TXNDC11: variants seen among roughly 807,000 people sequenced by gnomAD.
TXNDC11 encodes the protein thioredoxin domain-containing protein 11.
In TXNDC11, 68 loss-of-function variants were observed where a neutral mutation model predicts 78.0. That is an observed-to-expected ratio of 0.87 (90% CI 0.72 to 1.07). The LOEUF is 1.07. TXNDC11 is among the 50% of genes least tolerant of loss of function. The pLI, the probability that TXNDC11 is intolerant of heterozygous loss-of-function variation, is 0.00. For synonymous variants in TXNDC11, 571 were observed against 495.2 expected, an observed-to-expected ratio of 1.15 and a Z score of -2.03; for missense variants, 1,389 against 1,221.8, an observed-to-expected ratio of 1.14 and a Z score of -2.04.
intron 5 of TXNDC11, among the ~76,000 whole-genome samples, chr16:11,701,509 G>A (rs1384078690): frequency 6.6e-6 from 1 of 152,136 alleles, no homozygotes; most frequent in Non-Finnish European, 1.5e-5. Flanking sequence ...AGCACCTACA[G>A]AAGTGCCGGG....
intron 10 of TXNDC11, among the ~76,000 whole-genome samples, 183 bp from the exon 11 acceptor site, chr16:11,684,428 T>C (rs1398036390): frequency 6.6e-6 from 1 of 152,142 alleles, no homozygotes; most frequent in East Asian, 1.9e-4. Flanking sequence ...ACATACAACA[T>C]TCTACTACGT....
chr16:11,724,060 T>A (rs1421358744), intron 4 of TXNDC11, among the ~76,000 whole-genome samples: 1 of 152,114 alleles, frequency 6.6e-6, no homozygotes, highest in Non-Finnish European at 1.5e-5. Context: ...TCCCCTCAGA[T>A]CACTTGAGGC....
chr16:11,710,279 C>A (rs1290977414), intron 5 of TXNDC11, among the ~76,000 whole-genome samples: 2 of 151,968 alleles, frequency 1.3e-5, no homozygotes, highest in African/African-American at 4.8e-5. Flanking sequence ...TCCTCCACCC[C>A]ATTTCAGGCT....
At chr16:11,735,470 G>A (rs1333093913) in intron 2 of TXNDC11, among the ~76,000 whole-genome samples, 1 of 152,050 alleles carries the variant, frequency 6.6e-6, no homozygotes, top group Non-Finnish European at 1.5e-5. Flanking sequence ...GAAGAAAAAG[G>A]GACATCATAA....
In TXNDC11 at chr16:11,684,778, G is replaced by A. The variant is rs74382538; in HGVS notation, c.2154-533C>T. 1.5e-3 allele frequency among the ~76,000 whole-genome samples: 222 copies of A among 152,272 alleles called. 7 individuals are homozygous for A. The East Asian group carries it at 0.038, about 26-fold the overall frequency. On this transcript the variant is annotated intron_variant, in intron 10 of 11. Coordinates refer to ENST00000283033, the MANE Select transcript of TXNDC11 (RefSeq NM_015914.7). ...TGCTCAATCACTGTGGGAGCTAACCGCAACTGCTCTAGAGGCCTGCCCCGG... is the reference window on the plus strand; with the variant it reads ...TGCTCAATCACTGTGGGAGCTAACCACAACTGCTCTAGAGGCCTGCCCCGG...
At chr16:11,720,683 T>G (rs551910318) in intron 5 of TXNDC11, among the ~76,000 whole-genome samples, 1 of 151,544 alleles carries the variant, frequency 6.6e-6, no homozygotes, top group African/African-American at 2.4e-5. Context: ...TTCCAAAGTG[T>G]TGGGATTACA....
Position 11,732,351 on chromosome 16 carries a change from C to A in TXNDC11, c.570-1577G>T, listed in dbSNP as rs145404950. Among the ~76,000 whole-genome samples the A allele has an allele frequency of 8.5e-4, 130 of 152,300 alleles. No individual in the cohort carries two copies. In the Middle Eastern group the frequency reaches 0.014, roughly 16 times the overall value. On this transcript the variant is annotated intron_variant, in intron 3 of 11. Transcript: ENST00000283033. ...GCAGTCTGAAAGGACTACACCCCCC[C>A]ACTAGGCTTCCATGCCTTTTTTCAA... is the stretch of plus-strand genomic sequence containing the variant.
chr16:11,720,984 C>T (rs1177506477), intron 5 of TXNDC11, among the ~76,000 whole-genome samples: 2 of 151,470 alleles, frequency 1.3e-5, no homozygotes, highest in Admixed American at 6.6e-5. Flanking sequence ...TCAAGCAATC[C>T]ACCCGCCTAA....
chr16:11,687,132 T>C (rs1220255624), intron 10 of TXNDC11, among the ~76,000 whole-genome samples: 2 of 152,236 alleles, frequency 1.3e-5, no homozygotes, highest in Non-Finnish European at 2.9e-5. Context: ...TGCACGTATT[T>C]CTAGTGGAAT....
At chr16:11,727,460 C>G (rs748444552) in intron 4 of TXNDC11, among the ~76,000 whole-genome samples, 2 of 152,094 alleles carry the variant, frequency 1.3e-5, no homozygotes, top group African/African-American at 4.8e-5. Flanking sequence ...AAAATATAAA[C>G]TGAGATAAGG....
intron 5 of TXNDC11, among the ~76,000 whole-genome samples, chr16:11,710,570 C>T (rs1416585161): frequency 6.6e-6 from 1 of 152,102 alleles, no homozygotes; most frequent in African/African-American, 2.4e-5. Context: ...ATGACTAGAG[C>T]CAGGCGCAGT....
At chr16:11,715,051 G>C (rs1452839638) in intron 5 of TXNDC11, among the ~76,000 whole-genome samples, 2 of 151,978 alleles carry the variant, frequency 1.3e-5, no homozygotes, top group Non-Finnish European at 2.9e-5. Flanking sequence ...AGGAGTTCCA[G>C]ACCAGCCTGG....
chr16:11,706,319 C>T (rs1052635232), intron 5 of TXNDC11, among the ~76,000 whole-genome samples: 2 of 152,192 alleles, frequency 1.3e-5, no homozygotes, highest in Non-Finnish European at 2.9e-5. Context: ...TGTCTCTTGG[C>T]GCCACTCACC....
chr16:11,723,135 G>A (rs773356130), intron 4 of TXNDC11, among the ~76,000 whole-genome samples: 2 of 152,004 alleles, frequency 1.3e-5, no homozygotes, highest in African/African-American at 4.8e-5. Flanking sequence ...GTACATGCCT[G>A]TAGTCCCAAA....
chr16:11,733,981 C>A lies in TXNDC11; in HGVS notation c.569+1G>T. On this transcript the variant is annotated splice_donor_variant, in intron 3 of 11. Transcript: ENST00000283033. LOFTEE classifies it high-confidence loss of function. ...AGAGACGCTATTTAAAAAGTTCTTA[C>A]CTCCGATGATACAGATATATTACAG... The A allele has an allele frequency of 6.2e-7, 1 of 1,600,524 alleles. No individual in the cohort carries two copies. Among genetic ancestry groups the A allele is most frequent in the Non-Finnish European group, 8.5e-7 (1 of 1,172,264 alleles).
chr16:11,698,186 G>A lies in TXNDC11; in HGVS notation c.1046C>T (p.Pro349Leu). 6.2e-7 allele frequency: 1 copy of A among 1,614,208 alleles called. No homozygotes were observed. The stretch of plus-strand genomic sequence containing the variant: ...AAAAGGTATGAACAGAAACAGCGCT[G>A]GTCCTTTCTTCAGCTCGTTATTCAG... ...LLLNNELKKG[P>L]ALFLFIPFNP... is the part of the protein sequence containing the mutation. Residue 349 changes from proline (P) to leucine (L), a missense_variant, in exon 7 of 12, where the codon CCA becomes CTA. Transcript: ENST00000283033.
Position 11,679,898 on chromosome 16 carries a change from C to A in TXNDC11, c.2235-61G>T. Reference sequence around the variant, plus strand: ...CACACCAACACAATGAGTCCAAAAGCAGGCTGTACCTGAGGCCAGGCCATC... The same window carrying A: ...CACACCAACACAATGAGTCCAAAAGAAGGCTGTACCTGAGGCCAGGCCATC... On this transcript the variant is annotated intron_variant, in intron 11 of 11. Transcript: ENST00000283033. The surrounding 1 kb of genome is among the most constrained non-coding windows in gnomAD (Gnocchi z 4.6). 1 of 1,434,734 alleles carries A rather than the reference C, an allele frequency of 7.0e-7. No individual in the cohort carries two copies. The highest frequency in any genetic ancestry group is 1.3e-5 in the South Asian group (1 of 77,946). The allele number at this position is 1,434,734 out of a possible 1,614,324, so 88.9% of individuals were successfully genotyped here.
intron 5 of TXNDC11, among the ~76,000 whole-genome samples, chr16:11,713,701 C>T (rs370135704): frequency 1.3e-5 from 2 of 152,186 alleles, no homozygotes; most frequent in South Asian, 2.1e-4. Context: ...CAGGTATGAG[C>T]CACAGCGCCC....
chr16:11,700,653 C>A, intron 5 of TXNDC11, 89 bp from the exon 6 acceptor site: 2 of 639,820 alleles, frequency 3.1e-6, no homozygotes, highest in Non-Finnish European at 5.6e-6. Flanking sequence ...AAGCACAAAC[C>A]CCTGCAGCTA....
Sources: allele counts gnomAD v4.1 joint callset (sites outside exome capture counted in the v4.1 genomes callset), GRCh38; gene constraint gnomAD v4.1.1; non-coding constraint Gnocchi (gnomAD v3.1); transcripts MANE v1.5; gene names NCBI Gene and HGNC (gene_info 2026-07-23, HGNC 2026-07-21).